MYT1L: variants seen among roughly 807,000 people sequenced by gnomAD.
The protein encoded by MYT1L is myelin transcription factor 1-like protein.
MYT1L carries 12 observed loss-of-function variants against 126.7 expected under a neutral mutation model. The observed-to-expected ratio is 0.09, with a 90% CI of 0.06 to 0.15. The LOEUF is 0.15. MYT1L is among the 10% of genes least tolerant of loss of function. The pLI, the probability that MYT1L is intolerant of heterozygous loss-of-function variation, is 1.00. For synonymous variants in MYT1L, 541 were observed against 604.2 expected (o/e 0.90, Z 1.53); for missense variants, 979 against 1,585.2 (o/e 0.62, Z 6.49).
intron 21 of MYT1L, among the ~76,000 whole-genome samples, chr2:1,814,171 C>T (rs1319143788): frequency 1.3e-5 from 2 of 152,154 alleles, no homozygotes; most frequent in Admixed American, 6.5e-5. Context: ...ACGAATTCCC[C>T]AGGCCAGCGA....
chr2:2,183,781 A>G (rs1463652288), intron 2 of MYT1L, among the ~76,000 whole-genome samples: 1 of 145,390 alleles, frequency 6.9e-6, no homozygotes, highest in Non-Finnish European at 1.5e-5. Flanking sequence ...GGAAGGAAGG[A>G]AGGAGAGGAG....
intron 2 of MYT1L, among the ~76,000 whole-genome samples, chr2:2,186,202 C>T (rs1334450682): frequency 9.8e-5 from 14 of 143,486 alleles, no homozygotes; most frequent in Non-Finnish European, 2.1e-4. Flanking sequence ...CCAGGCCTTC[C>T]GGGCCTTCCC....
At chr2:2,267,495 G>A (rs554876209) in intron 2 of MYT1L, among the ~76,000 whole-genome samples, 1 of 152,186 alleles carries the variant, frequency 6.6e-6, no homozygotes, top group Non-Finnish European at 1.5e-5. Flanking sequence ...ACCATACTGG[G>A]GGAAATGAGG....
chr2:2,113,627 C>T (rs2079794925), intron 3 of MYT1L, among the ~76,000 whole-genome samples: 2 of 152,230 alleles, frequency 1.3e-5, no homozygotes, highest in African/African-American at 2.4e-5. Context: ...GGAAAACTTG[C>T]TCAAAGATCT....
rs114369899 is a variant in MYT1L, at chr2:2,064,835, G to A, written c.-303-10712C>T. ...ACTTTTCCTCATTTATTTTCATTAT[G>A]AAATATGAAACGATTCCTGATTAAA... On this transcript the variant is annotated intron_variant, in intron 3 of 24. Transcript: ENST00000647738. Among the ~76,000 whole-genome samples the A allele has an allele frequency of 4.1e-3, 621 of 152,288 alleles. 3 individuals are homozygous for A. The highest frequency in any genetic ancestry group is 0.014 in the African/African-American group (597 of 41,562).
intron 2 of MYT1L, among the ~76,000 whole-genome samples, chr2:2,180,449 A>G (rs940769641): frequency 6.6e-6 from 1 of 151,696 alleles, no homozygotes; most frequent in Non-Finnish European, 1.5e-5. Context: ...CTTAGGAGTG[A>G]GTGCAAGTGG....
intron 3 of MYT1L, among the ~76,000 whole-genome samples, chr2:2,094,689 G>A (rs1341278303): frequency 1.3e-5 from 2 of 149,582 alleles, no homozygotes; most frequent in East Asian, 2.0e-4. Flanking sequence ...ATCAAACATC[G>A]CATGTTCTCA....
At chr2:2,180,301 T>A (rs1004133976) in intron 2 of MYT1L, among the ~76,000 whole-genome samples, 6 of 151,606 alleles carry the variant, frequency 4.0e-5, no homozygotes, top group African/African-American at 1.5e-4. Context: ...TTTAGCATAG[T>A]CCTTAGCACA....
At chr2:2,252,163 A>C (rs1029757271) in intron 2 of MYT1L, among the ~76,000 whole-genome samples, 1 of 152,072 alleles carries the variant, frequency 6.6e-6, no homozygotes, top group African/African-American at 2.4e-5. Flanking sequence ...GTCTCAGCCA[A>C]CTTTCCTGGC....
intron 2 of MYT1L, among the ~76,000 whole-genome samples, chr2:2,229,218 CA>C (rs1559398516): frequency 6.6e-6 from 1 of 152,090 alleles, no homozygotes; most frequent in East Asian, 1.9e-4. Context: ...TCTTCATATA[CA>C]AAAATGATAT....
intron 1 of MYT1L, among the ~76,000 whole-genome samples, chr2:2,307,170 T>C (rs2095869833): frequency 2.0e-5 from 3 of 152,122 alleles, no homozygotes; most frequent in African/African-American, 7.2e-5. Flanking sequence ...GAAAGCATGC[T>C]TGAGAATGGG....
chr2:2,067,689 G>T (rs1164015022), intron 3 of MYT1L, among the ~76,000 whole-genome samples: 1 of 152,014 alleles, frequency 6.6e-6, no homozygotes, highest in Non-Finnish European at 1.5e-5. Context: ...TAAAAGAAAA[G>T]ATGAATTAAT....
At chr2:1,837,353 A>G (rs530917003) in intron 21 of MYT1L, among the ~76,000 whole-genome samples, 1 of 152,352 alleles carries the variant, frequency 6.6e-6, no homozygotes, top group East Asian at 1.9e-4. Flanking sequence ...CGTTTGTGTC[A>G]GGTTAGCGAA....
intron 8 of MYT1L, among the ~76,000 whole-genome samples, chr2:1,973,358 C>T (rs2059943682): frequency 6.6e-6 from 1 of 152,120 alleles, no homozygotes; most frequent in Admixed American, 6.5e-5. Flanking sequence ...AAAAGGATTT[C>T]AGAACAGCAA....
intron 4 of MYT1L, among the ~76,000 whole-genome samples, chr2:2,020,523 G>A (rs1018684399): frequency 6.6e-6 from 1 of 152,170 alleles, no homozygotes; most frequent in Non-Finnish European, 1.5e-5. Flanking sequence ...ATCTGAGTCA[G>A]AATAGGTAGT....
At chr2:1,862,467 A>G (rs1233341824) in intron 18 of MYT1L, among the ~76,000 whole-genome samples, 1 of 152,178 alleles carries the variant, frequency 6.6e-6, no homozygotes, top group African/African-American at 2.4e-5. Flanking sequence ...TAGAATCTAT[A>G]ATGTGATCTA....
At chr2:1,973,866 G>C (rs2059984203) in intron 8 of MYT1L, among the ~76,000 whole-genome samples, 1 of 152,192 alleles carries the variant, frequency 6.6e-6, no homozygotes, top group African/African-American at 2.4e-5. Flanking sequence ...ATGCAGCGTT[G>C]CTCAAACCAC....
chr2:1,836,769 TCCATCAGCCTGCACCCCAAGATC>T (rs2040962157), intron 21 of MYT1L, among the ~76,000 whole-genome samples: 3 of 150,772 alleles, frequency 2.0e-5, no homozygotes, highest in South Asian at 4.2e-4. Context: ...ACCCCAAGAT[TCCATCAGCCTGCACCCCAAGATC>T]CCATCAGCCT....
chr2:1,900,524 C>G (rs2050201353), intron 14 of MYT1L, among the ~76,000 whole-genome samples: 1 of 152,150 alleles, frequency 6.6e-6, no homozygotes, highest in South Asian at 2.1e-4. Flanking sequence ...TGGTCTTGAT[C>G]TCCTGACCTC....
Sources: allele counts gnomAD v4.1 joint callset (sites outside exome capture counted in the v4.1 genomes callset), GRCh38; gene constraint gnomAD v4.1.1; transcripts MANE v1.5; gene names NCBI Gene and HGNC (gene_info 2026-07-23, HGNC 2026-07-21).